Variants in LPAR1 observed in about 807,000 individuals in gnomAD.
The protein encoded by LPAR1 is lysophosphatidic acid receptor 1.
Under a neutral mutation model 23.8 loss-of-function variants are expected in LPAR1, and 5 were observed. The observed-to-expected ratio is 0.21, with a 90% confidence interval of 0.11 to 0.44. The LOEUF (loss-of-function observed/expected upper bound fraction) is 0.44, where lower values mean the gene tolerates loss of function less well. Ranked by LOEUF, LPAR1 falls within the 20% of genes least tolerant of loss-of-function variation. The pLI, the probability that LPAR1 is intolerant of heterozygous loss-of-function variation, is 0.99. For synonymous variants in LPAR1, 160 were observed against 164.7 expected, an observed-to-expected ratio of 0.97 and a Z score of 0.22; for missense variants, 311 against 482.8, an observed-to-expected ratio of 0.64 and a Z score of 3.33.
chr9:111,000,254 C>A (rs573158247), intron 2 of LPAR1, among the ~76,000 whole-genome samples: 1 of 152,140 alleles, frequency 6.6e-6, no homozygotes, highest in Non-Finnish European at 1.5e-5. Flanking sequence ...TGGTTCATGG[C>A]CTCCTGAATA....
chr9:110,924,394 T>C (rs2093855974), intron 5 of LPAR1, among the ~76,000 whole-genome samples: 1 of 152,184 alleles, frequency 6.6e-6, no homozygotes, highest in Non-Finnish European at 1.5e-5. Flanking sequence ...GTGGTATGCA[T>C]TATATGAATT....
chr9:110,970,428 G>A (rs2096379042), intron 4 of LPAR1, among the ~76,000 whole-genome samples: 2 of 152,184 alleles, frequency 1.3e-5, no homozygotes, highest in African/African-American at 4.8e-5. Context: ...AGTAAATGAA[G>A]TGTTGAAAGG....
chr9:110,936,901 A>G (rs527900437), intron 5 of LPAR1, among the ~76,000 whole-genome samples: 2 of 152,124 alleles, frequency 1.3e-5, no homozygotes, highest in Non-Finnish European at 2.9e-5. Context: ...AAGACATGCC[A>G]TGGTCAAATA....
At chr9:111,026,535 T>A (rs2097695214) in intron 2 of LPAR1, among the ~76,000 whole-genome samples, 3 of 152,222 alleles carry the variant, frequency 2.0e-5, no homozygotes, top group African/African-American at 7.2e-5. Context: ...TCTTGCCTGA[T>A]TGCCCTGGCC....
intron 4 of LPAR1, among the ~76,000 whole-genome samples, chr9:110,961,617 CAAAAAAAAAAAAAAAAA>C (rs57773067): frequency 1.3e-5 from 1 of 79,864 alleles, no homozygotes; most frequent in Admixed American, 1.5e-4. Context: ...GAGACTATCT[CAAAAAAAAAAAAAAAAA>C]AAAAAAGAAA....
chr9:110,973,005 A>T (rs1012546605), intron 3 of LPAR1, among the ~76,000 whole-genome samples: 6 of 152,138 alleles, frequency 3.9e-5, no homozygotes, highest in African/African-American at 1.4e-4. Context: ...CCTGTATATA[A>T]CAGAGACAGC....
chr9:110,923,634 G>C (rs1358990649), intron 5 of LPAR1, among the ~76,000 whole-genome samples: 1 of 152,122 alleles, frequency 6.6e-6, no homozygotes, highest in Non-Finnish European at 1.5e-5. Flanking sequence ...TAACCCCACC[G>C]CTAAGTCAGG....
intron 2 of LPAR1, among the ~76,000 whole-genome samples, chr9:111,027,496 G>C (rs981349629): frequency 2.0e-5 from 3 of 151,968 alleles, no homozygotes; most frequent in African/African-American, 7.3e-5. Flanking sequence ...ACAAGACATG[G>C]TCTTTAAGAA....
intron 4 of LPAR1, among the ~76,000 whole-genome samples, chr9:110,942,943 G>A (rs2095210154): frequency 6.6e-6 from 1 of 151,912 alleles, no homozygotes; most frequent in Admixed American, 6.6e-5. Flanking sequence ...AAAGTGTGGA[G>A]TGAAAATGCT....
intron 5 of LPAR1, among the ~76,000 whole-genome samples, chr9:110,911,174 C>A (rs1278636025): frequency 6.6e-6 from 1 of 152,128 alleles, no homozygotes; most frequent in African/African-American, 2.4e-5. Flanking sequence ...ATTGCCACAG[C>A]CACCCCAATC....
Position 110,961,617 on chromosome 9 carries a change from CAA to C in LPAR1, c.45+10454_45+10455del, listed in dbSNP as rs57773067. 2.7e-3 allele frequency among the ~76,000 whole-genome samples: 215 copies of C among 79,826 alleles called. 1 individual carries two copies. Among genetic ancestry groups the C allele is most frequent in the African/African-American group, 3.9e-3 (85 of 21,636 alleles). The allele number at this position is 79,826 out of a possible 152,430, so 52.4% of individuals were successfully genotyped here. A position where few individuals can be genotyped will look rare whatever the true frequency, so the allele number is the denominator to read the frequency against. ...CCTGGGTGACAGAGCGAGACTATCT[CAA>C]AAAAAAAAAAAAAAAAAAAAAGAAA... On this transcript the variant is annotated intron_variant, in intron 4 of 5. Coordinates refer to ENST00000683809, the MANE Select transcript of LPAR1 (RefSeq NM_001351411.2).
chr9:110,959,452 C>T (rs1024592458), intron 4 of LPAR1, among the ~76,000 whole-genome samples: 26 of 151,372 alleles, frequency 1.7e-4, no homozygotes, highest in African/African-American at 6.3e-4. Context: ...CCCGTCTCTA[C>T]CAAAAATAAA....
At chr9:110,930,311 T>C (rs955091490) in intron 5 of LPAR1, among the ~76,000 whole-genome samples, 7 of 151,614 alleles carry the variant, frequency 4.6e-5, no homozygotes, top group Non-Finnish European at 7.4e-5. Flanking sequence ...AGATTGAGAG[T>C]TCGATACCAC....
chr9:110,935,086 C>G (rs1171173727), intron 5 of LPAR1, among the ~76,000 whole-genome samples: 1 of 152,114 alleles, frequency 6.6e-6, no homozygotes, highest in Non-Finnish European at 1.5e-5. Flanking sequence ...CAAGGAAACT[C>G]TTCCTTTGAG....
At chr9:110,884,114 T>C (rs540924244) in intron 5 of LPAR1, among the ~76,000 whole-genome samples, 1 of 152,346 alleles carries the variant, frequency 6.6e-6, no homozygotes, top group African/African-American at 2.4e-5. Flanking sequence ...AACACCTGCA[T>C]AGTACGAGTC....
intron 2 of LPAR1, among the ~76,000 whole-genome samples, chr9:110,982,330 C>T (rs1588674318): frequency 6.6e-6 from 1 of 152,070 alleles, no homozygotes; most frequent in East Asian, 1.9e-4. Flanking sequence ...TTTTCAGGGA[C>T]ATGGATGAAA....
chr9:110,955,092 C>A (rs1054873903), intron 4 of LPAR1, among the ~76,000 whole-genome samples: 6 of 152,152 alleles, frequency 3.9e-5, no homozygotes, highest in Non-Finnish European at 7.4e-5. Flanking sequence ...ATATCAATAA[C>A]AACCAAGAAT....
intron 2 of LPAR1, among the ~76,000 whole-genome samples, chr9:111,024,403 A>T (rs1452219521): frequency 6.8e-6 from 1 of 147,852 alleles, no homozygotes; most frequent in Non-Finnish European, 1.5e-5. Context: ...ATACACACAC[A>T]CATATTTATA....
chr9:110,958,891 A>C (rs1397234639), intron 4 of LPAR1, among the ~76,000 whole-genome samples: 1 of 151,918 alleles, frequency 6.6e-6, no homozygotes, highest in African/African-American at 2.4e-5. Flanking sequence ...TCTCATTAAA[A>C]AGTGGGCAAA....
Sources: gnomAD v4.1 joint callset for allele counts (sites outside exome capture counted in the v4.1 genomes callset) on GRCh38, gnomAD v4.1.1 for gene constraint, MANE v1.5 for transcripts, NCBI Gene and HGNC (gene_info 2026-07-23, HGNC 2026-07-21) for gene names.